EXOC3L2: variants seen among roughly 807,000 people sequenced by gnomAD.
The protein encoded by EXOC3L2 is exocyst complex component 3-like protein 2.
Under a neutral mutation model 44.4 loss-of-function variants are expected in EXOC3L2, and 17 were observed. The observed-to-expected ratio is 0.38, with a 90% CI of 0.26 to 0.57. The LOEUF is 0.57. EXOC3L2 is among the 20% of genes least tolerant of loss of function. The pLI, the probability that EXOC3L2 is intolerant of heterozygous loss-of-function variation, is 0.65. For missense variants in EXOC3L2, 541 were observed against 588.4 expected, an observed-to-expected ratio of 0.92 and a Z score of 0.83; for synonymous variants, 256 against 253.7, an observed-to-expected ratio of 1.01 and a Z score of -0.09.
intron 1 of EXOC3L2, among the ~76,000 whole-genome samples, chr19:45,242,793 C>T (rs1437240944): frequency 7.0e-6 from 1 of 142,612 alleles, no homozygotes; most frequent in Non-Finnish European, 1.5e-5. Flanking sequence ...ACCCAGGAGG[C>T]GGATGCTGCA....
chr19:45,229,988 T>A (rs1040517264), intron 4 of EXOC3L2, among the ~76,000 whole-genome samples: 1 of 150,566 alleles, frequency 6.6e-6, no homozygotes, highest in East Asian at 1.9e-4. Context: ...AATCCTATTA[T>A]TACATATTAT....
At chr19:45,240,673 A>G (rs1970123832) in intron 1 of EXOC3L2, among the ~76,000 whole-genome samples, 1 of 152,160 alleles carries the variant, frequency 6.6e-6, no homozygotes, top group Non-Finnish European at 1.5e-5. Context: ...AGGCAGGCAG[A>G]TCACCTGAGG....
intron 1 of EXOC3L2, among the ~76,000 whole-genome samples, chr19:45,241,852 A>G (rs1970134325): frequency 6.6e-6 from 1 of 152,100 alleles, no homozygotes. Flanking sequence ...CTGTCTGGGG[A>G]CAGATCTGTG....
chr19:45,243,172 C>T (rs1313192826), intron 1 of EXOC3L2, among the ~76,000 whole-genome samples: 1 of 152,182 alleles, frequency 6.6e-6, no homozygotes, highest in Non-Finnish European at 1.5e-5. Context: ...CATACAGCTC[C>T]AGTTCATTTA....
chr19:45,216,044 C>A (rs112530898), intron 11 of EXOC3L2, 29 bp downstream of exon 11: 2 of 1,610,308 alleles, frequency 1.2e-6, no homozygotes, highest in Admixed American at 1.7e-5. Context: ...CCAGGCACGG[C>A]GAGCCCTGGC....
Position 45,238,201 on chromosome 19 carries a change from T to C in EXOC3L2, c.523+322A>G, listed in dbSNP as rs1970100257. 6.6e-6 allele frequency among the ~76,000 whole-genome samples: 1 copy of C among 151,760 alleles called. No homozygotes were observed. The highest frequency in any genetic ancestry group is 2.1e-4 in the South Asian group (1 of 4,804). The stretch of plus-strand genomic sequence containing the variant: ...GGGATAGAAAGAGAAGGGGGAGAGA[T>C]GGGACCAAAATCAGGTATTCCCTTG... On this transcript the variant is annotated intron_variant, in intron 2 of 11. Transcript: ENST00000413988. This position sits in a 1 kb window ranked among gnomAD's most constrained non-coding sequence, Gnocchi z 5.5.
At chr19:45,229,785 C>T (rs1253653455) in intron 4 of EXOC3L2, among the ~76,000 whole-genome samples, 2 of 149,560 alleles carry the variant, frequency 1.3e-5, no homozygotes, top group Admixed American at 6.7e-5. Context: ...GAGGAGGTTG[C>T]GGTGAGCCGA....
At chr19:45,233,896 G>A (rs914340252) in intron 3 of EXOC3L2, among the ~76,000 whole-genome samples, 2 of 152,198 alleles carry the variant, frequency 1.3e-5, no homozygotes, top group Admixed American at 6.5e-5. Flanking sequence ...ACAGCGAGGC[G>A]ATCTAGAGTG....
chr19:45,241,491 A>G (rs1215668316), intron 1 of EXOC3L2, among the ~76,000 whole-genome samples: 2 of 151,588 alleles, frequency 1.3e-5, no homozygotes, highest in African/African-American at 4.8e-5. Flanking sequence ...AAAAAAAAAA[A>G]AAAAAGAAAA....
At chr19:45,240,351 C>T (rs563876337) in intron 1 of EXOC3L2, among the ~76,000 whole-genome samples, 59 of 152,008 alleles carry the variant, frequency 3.9e-4, no homozygotes, top group African/African-American at 1.3e-3. Context: ...CTCCTGGCCT[C>T]AAGGGATCTA....
intron 7 of EXOC3L2, among the ~76,000 whole-genome samples, chr19:45,226,975 G>A (rs1033084158): frequency 1.6e-4 from 22 of 140,572 alleles, no homozygotes; most frequent in East Asian, 2.2e-4. Flanking sequence ...GGATGGTCTC[G>A]ATCTCCTGAC....
chr19:45,219,771 C>G (rs1327292548), intron 8 of EXOC3L2, among the ~76,000 whole-genome samples: 3 of 152,212 alleles, frequency 2.0e-5, no homozygotes. Flanking sequence ...TAATTTCTAA[C>G]TTCTTCCACT....
intron 11 of EXOC3L2, 120 bp downstream of exon 11, chr19:45,215,938 TCCAGCAGGAAACGGC>T: frequency 7.8e-7 from 1 of 1,274,070 alleles, no homozygotes; most frequent in Non-Finnish European, 1.1e-6. Context: ...ATGCCCTGGT[TCCAGCAGGAAACGGC>T]CGTCAGACAC....
chr19:45,214,275 C>T (rs1599759138), intron 11 of EXOC3L2, among the ~76,000 whole-genome samples: 1 of 152,054 alleles, frequency 6.6e-6, no homozygotes, highest in Non-Finnish European at 1.5e-5. Context: ...AACTGAAACC[C>T]GCTCATGCCT....
chr19:45,223,033 G>A lies in EXOC3L2; in HGVS notation c.1719+1745C>T, dbSNP rs139976348. 6.9e-3 allele frequency among the ~76,000 whole-genome samples: 1,056 copies of A among 152,112 alleles called. 15 individuals carry two copies. The highest frequency in any genetic ancestry group is 0.022 in the African/African-American group (905 of 41,514). ...TTTGGGAGGCCAAGTCAGGAGGATC[G>A]CTTGAGCCCAGGAGTTCAAGACCAG... On this transcript the variant is annotated intron_variant, in intron 8 of 11. Coordinates refer to ENST00000413988, the MANE Select transcript of EXOC3L2 (RefSeq NM_001382422.1).
chr19:45,213,731 G>A (rs1969803823), intron 11 of EXOC3L2, among the ~76,000 whole-genome samples: 1 of 151,876 alleles, frequency 6.6e-6, no homozygotes, highest in Non-Finnish European at 1.5e-5. Context: ...GATCACCTGA[G>A]GTCAGGAGTT....
intron 11 of EXOC3L2, 132 bp from the exon 12 acceptor site, chr19:45,213,489 T>TC: frequency 1.0e-6 from 1 of 1,002,108 alleles, no homozygotes; most frequent in Non-Finnish European, 1.4e-6. Flanking sequence ...CTGTGTCCCC[T>TC]CCAGAGCCTT....
chr19:45,222,744 A>G (rs1303657428), intron 8 of EXOC3L2, among the ~76,000 whole-genome samples: 2 of 152,188 alleles, frequency 1.3e-5, no homozygotes, highest in Non-Finnish European at 1.5e-5. Flanking sequence ...ACAATTTAAC[A>G]AAAACAAAAA....
At chr19:45,240,621 C>T (rs981216997) in intron 1 of EXOC3L2, among the ~76,000 whole-genome samples, 8 of 152,132 alleles carry the variant, frequency 5.3e-5, no homozygotes, top group Non-Finnish European at 7.3e-5. Flanking sequence ...TAAGGCCAGG[C>T]GTGGTCGCTC....
Sources: allele counts gnomAD v4.1 joint callset (sites outside exome capture counted in the v4.1 genomes callset), GRCh38; gene constraint gnomAD v4.1.1; non-coding constraint Gnocchi (gnomAD v3.1); transcripts MANE v1.5; gene names NCBI Gene and HGNC (gene_info 2026-07-23, HGNC 2026-07-21).